Variants in POLQ observed in about 807,000 individuals in gnomAD.
POLQ encodes DNA polymerase theta.
Under a neutral mutation model 259.2 loss-of-function variants are expected in POLQ, and 233 were observed. The ratio of observed to expected loss-of-function variants is 0.90; its 90% CI spans 0.81 to 1.00. The LOEUF is 1.00. Ranked by LOEUF, POLQ falls within the 50% of genes least tolerant of loss-of-function variation. POLQ has a pLI of 0.00. For missense variants in POLQ, 2,871 were observed against 3,051.6 expected (o/e 0.94, Z 1.39); for synonymous variants, 1,025 against 1,048.8 (o/e 0.98, Z 0.44).
In POLQ at chr3:121,483,397, C is replaced by T. The variant is rs778991112; in HGVS notation, c.5959G>A (p.Glu1987Lys). Residue 1987 changes from glutamate (E) to lysine (K), a missense_variant, in exon 18 of 30, where the codon GAA (glutamate) becomes AAA (lysine). By Grantham distance (56) the Glu-to-Lys change is moderately conservative. Transcript: ENST00000264233. ...SCGISLEQSY[E>K]DPKVACWLLD... ...ATTAGACATAGAACCTTAGGATCTT[C>T]ATAACTTTGCTCCAAGGAGATGCCA... The T allele has an allele frequency of 6.5e-7, 1 of 1,549,932 alleles. No homozygotes were observed.
chr3:121,502,780 C>T (rs773641899), intron 12 of POLQ, among the ~76,000 whole-genome samples: 4 of 152,116 alleles, frequency 2.6e-5, no homozygotes, highest in African/African-American at 9.7e-5. Context: ...AGTATAACAA[C>T]GTACTGTTAG....
chr3:121,543,266 C>T (rs760520844), intron 2 of POLQ, among the ~76,000 whole-genome samples: 5 of 152,240 alleles, frequency 3.3e-5, no homozygotes, highest in Non-Finnish European at 5.9e-5. Flanking sequence ...CTGCCACTAA[C>T]TATGACTTCT....
chr3:121,511,502 G>T (rs1042528278), intron 10 of POLQ, among the ~76,000 whole-genome samples: 1 of 151,636 alleles, frequency 6.6e-6, no homozygotes, highest in African/African-American at 2.4e-5. Context: ...ATAAAGCACC[G>T]GGCACAGTGG....
chr3:121,505,129 T>C (rs2048199231), intron 12 of POLQ, among the ~76,000 whole-genome samples: 1 of 152,166 alleles, frequency 6.6e-6, no homozygotes, highest in Non-Finnish European at 1.5e-5. Flanking sequence ...GATCTGGTTG[T>C]TTAAAAGTAA....
intron 10 of POLQ, among the ~76,000 whole-genome samples, chr3:121,510,655 A>C (rs2048248324): frequency 6.6e-6 from 1 of 152,160 alleles, no homozygotes; most frequent in African/African-American, 2.4e-5. Context: ...TTTCATTCTC[A>C]TTTTTTTAAA....
intron 15 of POLQ, among the ~76,000 whole-genome samples, chr3:121,490,766 A>C (rs1328277437): frequency 6.6e-6 from 1 of 152,160 alleles, no homozygotes; most frequent in African/African-American, 2.4e-5. Flanking sequence ...TCATTGAAAA[A>C]CATCCGGCCG....
At chr3:121,458,340 C>G in intron 25 of POLQ, among the ~76,000 whole-genome samples, 1 of 151,806 alleles carries the variant, frequency 6.6e-6, no homozygotes, top group East Asian at 1.9e-4. Flanking sequence ...ACATATGTAA[C>G]TAACCTGCAC....
Position 121,473,476 on chromosome 3 carries a change from C to T in POLQ, c.6417G>A (p.Leu2139=). 1 of 1,610,930 alleles carries T rather than the reference C, an allele frequency of 6.2e-7. No homozygotes were observed. Residue 2139 remains leucine (L), a synonymous_variant, in exon 21 of 30, where the codon TTG becomes TTA. Transcript: ENST00000264233. ...CTCTATTTGGGGGCAACTTCAATTC[C>T]AAAAATAAAACCTGCAAGAAATTAA... is the stretch of plus-strand genomic sequence containing the variant. ...SSDDIAEVLF[L]ELKLPPNREM...
In POLQ at chr3:121,472,229, T is replaced by G. The variant is rs60108064; in HGVS notation, c.6544-65A>C. 4.1e-3 allele frequency: 3,071 copies of G among 741,748 alleles called. 74 individuals carry two copies. In the African/African-American group the frequency reaches 0.048, roughly 12 times the overall value. 45.9% of individuals were successfully genotyped at this position (741,748 alleles called of 1,614,324 possible). A position where few individuals can be genotyped will look rare whatever the true frequency, so the allele number is the denominator to read the frequency against. On this transcript the variant is annotated intron_variant, in intron 21 of 29. Coordinates refer to ENST00000264233, the MANE Select transcript of POLQ (RefSeq NM_199420.4). ...AATTCCACAGCAAGCTAGAATCTCT[T>G]TTCTGTAAATAATACAGTCTCAAAA...
At chr3:121,504,984 C>T (rs536610374) in intron 12 of POLQ, among the ~76,000 whole-genome samples, 5 of 152,232 alleles carry the variant, frequency 3.3e-5, no homozygotes, top group South Asian at 2.1e-4. Context: ...GTGTCCCCAC[C>T]GAATTTCATG....
At chr3:121,524,959 C>T (rs2048362182) in intron 7 of POLQ, among the ~76,000 whole-genome samples, 1 of 151,970 alleles carries the variant, frequency 6.6e-6, no homozygotes, top group Admixed American at 6.6e-5. Context: ...CACACACACA[C>T]ACACACACAC....
At chr3:121,515,626 C>G (rs189521932) in intron 9 of POLQ, among the ~76,000 whole-genome samples, 59 of 152,304 alleles carry the variant, frequency 3.9e-4, no homozygotes, top group African/African-American at 1.3e-3. Flanking sequence ...GCAAGCTTTG[C>G]CTGCTCAGGG....
chr3:121,493,597 T>G lies in POLQ; in HGVS notation c.2403A>C (p.Leu801Phe). The G allele has an allele frequency of 6.2e-7, 1 of 1,614,124 alleles. No individual in the cohort carries two copies. Among genetic ancestry groups the G allele is most frequent in the Non-Finnish European group, 8.5e-7 (1 of 1,180,008 alleles). Residue 801 changes from leucine to phenylalanine, a missense_variant, in exon 15 of 30, where the codon TTA becomes TTC. Transcript: ENST00000264233. Reference protein sequence around the residue: ...RELCDLVRVSLLNAQRARVLY... With the variant: ...RELCDLVRVSFLNAQRARVLY... ...GAACCCTGGCTCTCTGAGCATTTAG[T>G]AAGGATACCCGAACCAGGTCACACA... is the stretch of plus-strand genomic sequence containing the variant.
intron 2 of POLQ, among the ~76,000 whole-genome samples, chr3:121,542,878 T>C (rs1213726776): frequency 6.6e-6 from 1 of 151,826 alleles, no homozygotes; most frequent in Non-Finnish European, 1.5e-5. Context: ...TTCCAGCTAC[T>C]CCGGAGGCTG....
At chr3:121,529,460 T>C (rs1199533342) in intron 7 of POLQ, among the ~76,000 whole-genome samples, 185 bp downstream of exon 7, 1 of 152,216 alleles carries the variant, frequency 6.6e-6, no homozygotes, top group African/African-American at 2.4e-5. Context: ...TGTGTATACA[T>C]AGTCTATACT....
chr3:121,534,216 G>C (rs912751761), intron 5 of POLQ, among the ~76,000 whole-genome samples: 1 of 152,006 alleles, frequency 6.6e-6, no homozygotes, highest in African/African-American at 2.4e-5. Context: ...CATTGATATA[G>C]TGGGTTGTGT....
In POLQ at chr3:121,489,579, T is replaced by C; in HGVS notation, c.3352A>G (p.Ile1118Val). 6.2e-7 allele frequency: 1 copy of C among 1,613,168 alleles called. No homozygotes were observed. The highest frequency in any genetic ancestry group is 1.3e-5 in the African/African-American group (1 of 74,992). ...KDNKTSFPLQIKQNCSWNITL... is the reference protein window; with the variant it reads ...KDNKTSFPLQVKQNCSWNITL... ...ATGTTCCATGAACAATTTTGCTTTATTTGTAATGGGAATGATGTTTTATTA... is the reference window on the plus strand; with the variant it reads ...ATGTTCCATGAACAATTTTGCTTTACTTGTAATGGGAATGATGTTTTATTA... The change falls in exon 16 of 30, where the codon ATA becomes GTA. Residue 1118 changes from isoleucine (I) to valine (V), a missense_variant. Transcript: ENST00000264233.
Position 121,457,745 on chromosome 3 carries a change from G to A in POLQ, c.7152+2305C>T, listed in dbSNP as rs534098328. Reference sequence around the variant, plus strand: ...AAACGTCAGGAAACAACAGGTGCTGGAGAGGATGTGGAGAAATAGGAACAC... The same window carrying A: ...AAACGTCAGGAAACAACAGGTGCTGAAGAGGATGTGGAGAAATAGGAACAC... On this transcript the variant is annotated intron_variant, in intron 25 of 29. Transcript: ENST00000264233. Among the ~76,000 whole-genome samples, 631 of 152,284 alleles carry A rather than the reference G, an allele frequency of 4.1e-3. 4 individuals carry two copies. Among genetic ancestry groups the A allele is most frequent in the African/African-American group, 0.014 (601 of 41,542 alleles).
At position 121,488,641 on chromosome 3, in the gene POLQ, T is replaced by TA. The variant is rs755281591; in HGVS notation, c.4289dup (p.Leu1430PhefsTer5). The TA allele has an allele frequency of 2.9e-5, 46 of 1,601,600 alleles. No individual in the cohort carries two copies. The highest frequency in any genetic ancestry group is 8.9e-5 in the East Asian group (4 of 44,844). On this transcript the variant is annotated frameshift_variant, in exon 16 of 30. Coordinates refer to ENST00000264233, the MANE Select transcript of POLQ (RefSeq NM_199420.4). LOFTEE classifies it high-confidence loss of function. The stretch of plus-strand genomic sequence containing the variant: ...CAGTAACAGAAACTTCATTCTTTTT[T>TA]AAAAAAAGACCATTTTCCTCCAATA...
Sources: gnomAD v4.1 joint callset for allele counts (sites outside exome capture counted in the v4.1 genomes callset) on GRCh38, gnomAD v4.1.1 for gene constraint, MANE v1.5 for transcripts, NCBI Gene and HGNC (gene_info 2026-07-23, HGNC 2026-07-21) for gene names.